The following CERS4 variants were observed in gnomAD, a reference collection of about 807,000 sequenced individuals.
CERS4 encodes the protein LAG1 homolog, ceramide synthase 4.
A neutral mutation model predicts 51.8 loss-of-function variants in CERS4; 65 were observed. The observed-to-expected ratio is 1.26, with a 90% confidence interval of 1.03 to 1.54. CERS4 has a LOEUF of 1.54. Among genes scored for constraint, CERS4 ranks in the 40% most tolerant of loss-of-function variants. The probability of loss-of-function intolerance (pLI) is 0.00; values close to 1 mark genes in which losing one functional copy is unlikely to be tolerated. For synonymous variants in CERS4, 228 were observed against 208.4 expected (o/e 1.09, Z -0.81); for missense variants, 563 against 500.4 (o/e 1.13, Z -1.19).
intron 9 of CERS4, among the ~76,000 whole-genome samples, 170 bp from the exon 10 acceptor site, chr19:8,257,709 C>T (rs188259096): frequency 1.8e-4 from 27 of 152,286 alleles, no homozygotes; most frequent in African/African-American, 2.2e-4. Flanking sequence ...GGATTACAGG[C>T]GTGAGCCACC....
chr19:8,254,604 C>G lies in CERS4; in HGVS notation c.279C>G (p.His93Gln), dbSNP rs1448466671. ...AGAAACACTTCCTCACGGAAGGGCA[C>G]AGGCCCAAGGAGGTGAGAGCCCCCC... ...TLEKHFLTEG[H>Q]RPKEPQLSLL... Residue 93 changes from histidine to glutamine, a missense_variant, in exon 4 of 12, where the codon CAC (histidine) becomes CAG (glutamine). Coordinates refer to ENST00000251363, the MANE Select transcript of CERS4 (RefSeq NM_024552.3). The G allele has an allele frequency of 6.2e-7, 1 of 1,608,862 alleles. No individual in the cohort carries two copies. The highest frequency in any genetic ancestry group is 8.5e-7 in the Non-Finnish European group (1 of 1,178,246).
chr19:8,257,169 T>G, intron 9 of CERS4, 92 bp downstream of exon 9: 1 of 1,356,040 alleles, frequency 7.4e-7, no homozygotes, highest in Non-Finnish European at 1.0e-6. Context: ...CCAACCTTCC[T>G]GGGAGATGGA....
chr19:8,261,988 C>A lies in CERS4; in HGVS notation c.1064C>A (p.Ala355Glu), dbSNP rs756849017. ...EESDSSEEAA[A>E]AQEPLQLKNG... The stretch of plus-strand genomic sequence containing the variant: ...TCAGACTCCAGTGAGGAGGCGGCGG[C>A]GGCCCAGGAACCTCTGCAGCTAAAG... The change falls in exon 12 of 12, where the codon GCG becomes GAG. Residue 355 changes from alanine to glutamate, a missense_variant. Ala to Glu is a moderately radical substitution (Grantham distance 107, BLOSUM62 -1). Coordinates refer to ENST00000251363, the MANE Select transcript of CERS4 (RefSeq NM_024552.3). 6.3e-7 allele frequency: 1 copy of A among 1,596,588 alleles called. No individual in the cohort carries two copies. The highest frequency in any genetic ancestry group is 8.5e-7 in the Non-Finnish European group (1 of 1,172,044).
At chr19:8,258,778 G>A (rs1969526111) in intron 10 of CERS4, among the ~76,000 whole-genome samples, 1 of 151,948 alleles carries the variant, frequency 6.6e-6, no homozygotes, top group South Asian at 2.1e-4. Flanking sequence ...GAAGGCAGAG[G>A]CTACAGCGAA....
intron 2 of CERS4, chr19:8,240,585 AGTGTGTGTGTGTGTGTGT>A (rs5742074): frequency 1.4e-5 from 2 of 142,080 alleles, no homozygotes; most frequent in Non-Finnish European, 3.0e-5. Flanking sequence ...AATGTATGCA[AGTGTGTGTGTGTGTGTGT>A]GTGTGTGTGT....
chr19:8,218,485 C>G (rs1393105926), intron 2 of CERS4, among the ~76,000 whole-genome samples: 1 of 152,198 alleles, frequency 6.6e-6, no homozygotes, highest in Non-Finnish European at 1.5e-5. Context: ...CCCGTGGAGA[C>G]CCTAGGCTGA....
chr19:8,234,542 A>ATTTTTT lies in CERS4; in HGVS notation c.-1-16511_-1-16506dup, dbSNP rs35971828. 1.8e-4 allele frequency among the ~76,000 whole-genome samples: 10 copies of ATTTTTT among 54,176 alleles called. 2 individuals carry two copies. In the East Asian group the frequency reaches 6.0e-3, roughly 32 times the overall value. 35.5% of individuals were successfully genotyped at this position (54,176 alleles called of 152,430 possible). ...CCCTTCCCCTGGCACCCACCATTCTATTTTTTTTTTTTTTTTTTTTTTTTT... is the reference window on the plus strand; with the variant it reads ...CCCTTCCCCTGGCACCCACCATTCTATTTTTTTTTTTTTTTTTTTTTTTTTTTTTTT... On this transcript the variant is annotated intron_variant, in intron 2 of 11. Coordinates refer to ENST00000251363, the MANE Select transcript of CERS4 (RefSeq NM_024552.3).
chr19:8,260,823 G>A (rs1195534130), intron 10 of CERS4, among the ~76,000 whole-genome samples: 1 of 151,384 alleles, frequency 6.6e-6, no homozygotes, highest in Non-Finnish European at 1.5e-5. Context: ...TGGTGGCAGG[G>A]GCCTATAATC....
chr19:8,241,167 C>T (rs1360844395), intron 2 of CERS4, among the ~76,000 whole-genome samples: 1 of 152,130 alleles, frequency 6.6e-6, no homozygotes, highest in Admixed American at 6.6e-5. Context: ...CTTCCAGCAG[C>T]CTTAGGCACC....
chr19:8,237,528 C>T (rs1968318630), intron 2 of CERS4, among the ~76,000 whole-genome samples: 1 of 151,690 alleles, frequency 6.6e-6, no homozygotes. Flanking sequence ...GCACTCCAGC[C>T]TGGGCATAGA....
At position 8,256,641 on chromosome 19, in the gene CERS4, G is replaced by C; in HGVS notation, c.543G>C (p.Trp181Cys). 1.2e-6 allele frequency: 2 copies of C among 1,613,722 alleles called. No homozygotes were observed. Among genetic ancestry groups the C allele is most frequent in the Non-Finnish European group, 1.7e-6 (2 of 1,179,838 alleles). Reference protein sequence around the residue: ...PNQTLKPSLYWWYLLELGFYL... With the variant: ...PNQTLKPSLYCWYLLELGFYL... Reference sequence around the variant, plus strand: ...AGACTCTGAAGCCATCCCTGTACTGGTGGTACCTCTTGGAGCTGGGTTTCT... The same window carrying C: ...AGACTCTGAAGCCATCCCTGTACTGCTGGTACCTCTTGGAGCTGGGTTTCT... The change falls in exon 8 of 12, where the codon TGG becomes TGC. Residue 181 changes from tryptophan to cysteine, a missense_variant. Coordinates refer to ENST00000251363, the MANE Select transcript of CERS4 (RefSeq NM_024552.3).
intron 2 of CERS4, among the ~76,000 whole-genome samples, chr19:8,245,802 A>G (rs1309037155): frequency 6.8e-6 from 1 of 147,834 alleles, no homozygotes; most frequent in Non-Finnish European, 1.5e-5. Context: ...GGCCTCCCAA[A>G]GTGCTGGGAT....
chr19:8,254,409 G>A (rs1969258973), intron 3 of CERS4, 90 bp from the exon 4 acceptor site: 1 of 1,209,966 alleles, frequency 8.3e-7, no homozygotes, highest in Non-Finnish European at 1.2e-6. Flanking sequence ...TCCGAGACTT[G>A]GTTATCCCAC....
At chr19:8,261,558 T>C (rs1167444813) in intron 10 of CERS4, 130 bp from the exon 11 acceptor site, 7 of 1,034,046 alleles carry the variant, frequency 6.8e-6, no homozygotes, top group Middle Eastern at 3.2e-4. Flanking sequence ...TTAGGTATCA[T>C]GGGGTGGGGG....
intron 2 of CERS4, among the ~76,000 whole-genome samples, chr19:8,220,158 C>T (rs1343387171): frequency 6.6e-6 from 1 of 151,774 alleles, no homozygotes; most frequent in East Asian, 1.9e-4. Context: ...GCTGTGTGTC[C>T]CCTTATTCCT....
chr19:8,257,109 C>T (rs1242101601), intron 9 of CERS4, 32 bp downstream of exon 9: 2 of 1,558,792 alleles, frequency 1.3e-6, no homozygotes, highest in East Asian at 4.5e-5. Flanking sequence ...CCCTTCCCAG[C>T]TGCTGTACCC....
At chr19:8,239,575 G>A (rs1286599745) in intron 2 of CERS4, 1 of 152,200 alleles carries the variant, frequency 6.6e-6, no homozygotes, top group Non-Finnish European at 1.5e-5. Context: ...TGTGGGAGCA[G>A]AGCAGCCCCC....
At chr19:8,260,466 A>G (rs1599602614) in intron 10 of CERS4, among the ~76,000 whole-genome samples, 1 of 149,978 alleles carries the variant, frequency 6.7e-6, no homozygotes, top group South Asian at 2.1e-4. Context: ...TCCACCTCCC[A>G]AAGTGCTGGG....
rs538196021 is a variant in CERS4, at chr19:8,231,579, T to C, written c.-1-19497T>C. The stretch of plus-strand genomic sequence containing the variant: ...CTTTTTCTTTTTTGAGATGGAGTCT[T>C]GCTCTGTCGCCCAGGCTGGAGTGCA... On this transcript the variant is annotated intron_variant, in intron 2 of 11. Coordinates refer to ENST00000251363, the MANE Select transcript of CERS4 (RefSeq NM_024552.3). Among the ~76,000 whole-genome samples the C allele has an allele frequency of 2.3e-3, 351 of 152,004 alleles. 2 individuals are homozygous for C. Among genetic ancestry groups the C allele is most frequent in the African/African-American group, 8.0e-3 (332 of 41,474 alleles).
Sources: gnomAD v4.1 joint callset for allele counts (sites outside exome capture counted in the v4.1 genomes callset) on GRCh38, gnomAD v4.1.1 for gene constraint, MANE v1.5 for transcripts, NCBI Gene and HGNC (gene_info 2026-07-23, HGNC 2026-07-21) for gene names.